Variants in NFIA observed in about 807,000 individuals in gnomAD.
NFIA encodes nuclear factor 1 A-type.
NFIA carries 8 observed loss-of-function variants against 62.8 expected under a neutral mutation model. That is an observed-to-expected ratio of 0.13 (90% CI 0.07 to 0.23). The LOEUF (loss-of-function observed/expected upper bound fraction) is 0.23. Ranked by LOEUF, NFIA falls within the 10% of genes least tolerant of loss-of-function variation. NFIA has a pLI of 1.00. For synonymous variants in NFIA, 235 were observed against 238.1 expected (o/e 0.99, Z 0.12); for missense variants, 410 against 642.1 (o/e 0.64, Z 3.91).
At chr1:61,243,593 A>G (rs968924903) in intron 2 of NFIA, among the ~76,000 whole-genome samples, 1 of 152,172 alleles carries the variant, frequency 6.6e-6, no homozygotes, top group Non-Finnish European at 1.5e-5. Context: ...TATTCAGATG[A>G]CTAACGTTGT....
At chr1:61,384,538 T>C (rs1405138265) in intron 7 of NFIA, among the ~76,000 whole-genome samples, 1 of 152,190 alleles carries the variant, frequency 6.6e-6, no homozygotes, top group African/African-American at 2.4e-5. Context: ...ACTATCGATA[T>C]ATAATTTGAA....
intron 7 of NFIA, among the ~76,000 whole-genome samples, chr1:61,396,458 G>A (rs1665274794): frequency 6.6e-6 from 1 of 152,012 alleles, no homozygotes; most frequent in Non-Finnish European, 1.5e-5. Context: ...TGTTGCCCAG[G>A]GTGGTCTCAA....
At chr1:61,329,583 T>C (rs1661179722) in intron 3 of NFIA, among the ~76,000 whole-genome samples, 1 of 151,860 alleles carries the variant, frequency 6.6e-6, no homozygotes, top group African/African-American at 2.4e-5. Context: ...GGTTTCACTA[T>C]GTTGGCCAAG....
intron 6 of NFIA, among the ~76,000 whole-genome samples, chr1:61,368,099 G>C (rs1269753208): frequency 6.6e-6 from 1 of 152,228 alleles, no homozygotes; most frequent in African/African-American, 2.4e-5. Flanking sequence ...CAGGAAAACA[G>C]ATGCTGCATT....
intron 2 of NFIA, among the ~76,000 whole-genome samples, chr1:61,257,794 C>T (rs1434140309): frequency 6.6e-6 from 1 of 151,326 alleles, no homozygotes; most frequent in African/African-American, 2.4e-5. Flanking sequence ...AGCATAGCCT[C>T]AAACTCCTGG....
intron 2 of NFIA, among the ~76,000 whole-genome samples, chr1:61,269,927 C>CA (rs1248122802): frequency 6.6e-6 from 1 of 152,164 alleles, no homozygotes; most frequent in African/African-American, 2.4e-5. Flanking sequence ...CTGGCTTAGA[C>CA]AAAGTGTTGC....
chr1:61,426,859 G>A (rs943725778), intron 10 of NFIA, among the ~76,000 whole-genome samples: 1 of 152,118 alleles, frequency 6.6e-6, no homozygotes, highest in Non-Finnish European at 1.5e-5. Flanking sequence ...CTAAATGCAA[G>A]CAGACAGAAG....
At chr1:61,222,727 TTAGAG>T (rs1409709339) in intron 2 of NFIA, among the ~76,000 whole-genome samples, 2 of 152,054 alleles carry the variant, frequency 1.3e-5, no homozygotes, top group Non-Finnish European at 2.9e-5. Context: ...GAATACTCCT[TTAGAG>T]TAGGTTTTAA....
intron 10 of NFIA, among the ~76,000 whole-genome samples, chr1:61,427,811 GC>G (rs1288088663): frequency 2.6e-5 from 4 of 152,260 alleles, no homozygotes; most frequent in African/African-American, 9.6e-5. Flanking sequence ...AAACTGGCCT[GC>G]ATATGGCGTC....
At chr1:61,131,338 T>G (rs1256791796) in intron 2 of NFIA, among the ~76,000 whole-genome samples, 1 of 152,150 alleles carries the variant, frequency 6.6e-6, no homozygotes, top group African/African-American at 2.4e-5. Context: ...AGTGTCTAGA[T>G]CTGTTGTTTG....
intron 2 of NFIA, among the ~76,000 whole-genome samples, chr1:61,233,770 G>T (rs1654817708): frequency 6.6e-6 from 1 of 152,166 alleles, no homozygotes; most frequent in Non-Finnish European, 1.5e-5. Flanking sequence ...ACGCAGAGGT[G>T]CTCAATCAAT....
intron 2 of NFIA, among the ~76,000 whole-genome samples, chr1:61,101,767 TTC>T (rs1263907852): frequency 2.0e-5 from 3 of 152,228 alleles, no homozygotes; most frequent in Non-Finnish European, 4.4e-5. Context: ...TTGCCTTTTT[TTC>T]TCTCTTTTAT....
chr1:61,109,216 G>A (rs947537692), intron 2 of NFIA, among the ~76,000 whole-genome samples: 1 of 151,866 alleles, frequency 6.6e-6, no homozygotes, highest in Non-Finnish European at 1.5e-5. Flanking sequence ...ATTAAGAGTA[G>A]AAAGCTATTA....
At chr1:61,398,046 A>T (rs1407294137) in intron 7 of NFIA, among the ~76,000 whole-genome samples, 1 of 152,148 alleles carries the variant, frequency 6.6e-6, no homozygotes, top group African/African-American at 2.4e-5. Flanking sequence ...AGTGAACAAG[A>T]ATTTTGTGGG....
At chr1:61,308,824 G>A (rs1659939372) in intron 3 of NFIA, among the ~76,000 whole-genome samples, 1 of 152,140 alleles carries the variant, frequency 6.6e-6, no homozygotes, top group African/African-American at 2.4e-5. Flanking sequence ...TGTTATTGCT[G>A]TTCTTGTCTT....
chr1:61,132,313 G>A (rs957430059), intron 2 of NFIA, among the ~76,000 whole-genome samples: 5 of 152,226 alleles, frequency 3.3e-5, no homozygotes, highest in South Asian at 4.2e-4. Flanking sequence ...GGATCCACCC[G>A]AGGAGGACGT....
At chr1:61,256,434 TAAAAAAAA>T (rs5774549) in intron 2 of NFIA, among the ~76,000 whole-genome samples, 28 of 102,008 alleles carry the variant, frequency 2.7e-4, no homozygotes, top group African/African-American at 1.0e-3. Context: ...AGACTCCATC[TAAAAAAAA>T]AAAAAAAAAA....
At chr1:61,123,355 A>G (rs905197191) in intron 2 of NFIA, among the ~76,000 whole-genome samples, 1 of 152,186 alleles carries the variant, frequency 6.6e-6, no homozygotes, top group African/African-American at 2.4e-5. Context: ...TTTCGTTTGT[A>G]TATTTTGTAT....
At chr1:61,369,050 T>C (rs1010118853) in intron 6 of NFIA, among the ~76,000 whole-genome samples, 2 of 152,208 alleles carry the variant, frequency 1.3e-5, no homozygotes, top group African/African-American at 4.8e-5. Context: ...AGTCCTCTGC[T>C]GTGCCTGCTT....
Sources: gnomAD v4.1 joint callset for allele counts (sites outside exome capture counted in the v4.1 genomes callset) on GRCh38, gnomAD v4.1.1 for gene constraint, MANE v1.5 for transcripts, NCBI Gene and HGNC (gene_info 2026-07-23, HGNC 2026-07-21) for gene names.